LRRC4C: variants seen among roughly 807,000 people sequenced by gnomAD.
The protein encoded by LRRC4C is leucine rich repeat containing 4C.
In LRRC4C, 5 loss-of-function variants were observed where a neutral mutation model predicts 33.6. That is an observed-to-expected ratio of 0.15 (90% CI 0.08 to 0.31). The LOEUF (loss-of-function observed/expected upper bound fraction) is 0.31. Ranked by LOEUF, LRRC4C falls within the 10% of genes least tolerant of loss-of-function variation. The pLI is 1.00. For missense variants in LRRC4C, 560 were observed against 796.7 expected (o/e 0.70, Z 3.58); for synonymous variants, 329 against 302.0 (o/e 1.09, Z -0.93).
chr11:40,290,193 G>A (rs1170796266), intron 4 of LRRC4C, among the ~76,000 whole-genome samples: 1 of 152,118 alleles, frequency 6.6e-6, no homozygotes, highest in Non-Finnish European at 1.5e-5. Flanking sequence ...TTGTCATTGT[G>A]CTAAATTCCA....
chr11:40,625,139 T>A (rs759788683), intron 3 of LRRC4C, among the ~76,000 whole-genome samples: 1 of 152,178 alleles, frequency 6.6e-6, no homozygotes, highest in Non-Finnish European at 1.5e-5. Context: ...ACATGGCTAA[T>A]AATTGCCATA....
At chr11:40,715,951 G>T (rs892350122) in intron 2 of LRRC4C, among the ~76,000 whole-genome samples, 3 of 151,874 alleles carry the variant, frequency 2.0e-5, no homozygotes, top group African/African-American at 7.3e-5. Context: ...CTTGAACATG[G>T]GACAATTACA....
At chr11:40,565,175 CAGG>C (rs1388065085) in intron 3 of LRRC4C, among the ~76,000 whole-genome samples, 2 of 152,252 alleles carry the variant, frequency 1.3e-5, no homozygotes, top group Admixed American at 1.3e-4. Flanking sequence ...TGTTTCCTCT[CAGG>C]AGGAGAAGCC....
At chr11:41,458,935 A>G (rs1956252595) in intron 1 of LRRC4C, among the ~76,000 whole-genome samples, 1 of 151,796 alleles carries the variant, frequency 6.6e-6, no homozygotes, top group African/African-American at 2.4e-5. Context: ...TCTAGAGCAG[A>G]TATAACTATT....
chr11:41,299,245 TTAAAAGCAGAGAAA>T (rs1950221928), intron 1 of LRRC4C, among the ~76,000 whole-genome samples: 1 of 152,090 alleles, frequency 6.6e-6, no homozygotes, highest in Non-Finnish European at 1.5e-5. Flanking sequence ...TCAGAACCAC[TTAAAAGCAGAGAAA>T]TGAGTTATAG....
intron 3 of LRRC4C, among the ~76,000 whole-genome samples, chr11:40,355,366 T>G (rs990770838): frequency 3.3e-5 from 5 of 152,114 alleles, no homozygotes; most frequent in Admixed American, 2.0e-4. Context: ...GTCTGCTGGC[T>G]CTGAGCCTAC....
At chr11:40,201,207 T>C (rs1862725231) in intron 5 of LRRC4C, among the ~76,000 whole-genome samples, 1 of 152,176 alleles carries the variant, frequency 6.6e-6, no homozygotes, top group South Asian at 2.1e-4. Context: ...AAATTCACAC[T>C]TGGCAGTGGG....
At chr11:40,448,480 T>C (rs889081230) in intron 3 of LRRC4C, among the ~76,000 whole-genome samples, 7 of 152,072 alleles carry the variant, frequency 4.6e-5, no homozygotes, top group Non-Finnish European at 1.0e-4. Flanking sequence ...AACTCCCATG[T>C]ATGAGTGAGA....
intron 1 of LRRC4C, among the ~76,000 whole-genome samples, chr11:41,255,618 T>C (rs1453212007): frequency 3.3e-5 from 5 of 152,086 alleles, no homozygotes; most frequent in Non-Finnish European, 7.4e-5. Context: ...GAGGTGAAAT[T>C]GTAAAAGAGA....
intron 2 of LRRC4C, among the ~76,000 whole-genome samples, chr11:40,719,146 C>T (rs1159565231): frequency 2.0e-5 from 3 of 152,184 alleles, no homozygotes; most frequent in Non-Finnish European, 2.9e-5. Context: ...GTAATTCCTT[C>T]TTGCTGTCAA....
intron 1 of LRRC4C, among the ~76,000 whole-genome samples, chr11:41,080,524 T>G (rs2135480758): frequency 6.6e-6 from 1 of 152,050 alleles, no homozygotes; most frequent in African/African-American, 2.4e-5. Context: ...GCAAATTTTT[T>G]GTATTTTTAG....
intron 1 of LRRC4C, among the ~76,000 whole-genome samples, chr11:40,938,455 G>A (rs796649980): frequency 5.3e-5 from 8 of 152,054 alleles, no homozygotes; most frequent in Non-Finnish European, 1.2e-4. Context: ...TAACAATGAC[G>A]ATGGCAGTAA....
At chr11:40,725,887 T>G (rs1947270104) in intron 2 of LRRC4C, among the ~76,000 whole-genome samples, 1 of 152,120 alleles carries the variant, frequency 6.6e-6, no homozygotes, top group Non-Finnish European at 1.5e-5. Flanking sequence ...AAAACTTCTG[T>G]TTGGCCTCCT....
intron 5 of LRRC4C, among the ~76,000 whole-genome samples, chr11:40,147,284 T>C (rs1192901205): frequency 1.3e-5 from 2 of 152,152 alleles, no homozygotes; most frequent in Admixed American, 1.3e-4. Flanking sequence ...CTGTACCCTA[T>C]ACGACTTTGG....
At chr11:40,759,269 T>C (rs1949086128) in intron 2 of LRRC4C, among the ~76,000 whole-genome samples, 1 of 147,806 alleles carries the variant, frequency 6.8e-6, no homozygotes, top group African/African-American at 2.5e-5. Context: ...ATATATATAT[T>C]ATATATATAC....
chr11:40,234,749 C>A (rs1473056519), intron 5 of LRRC4C, among the ~76,000 whole-genome samples: 1 of 152,152 alleles, frequency 6.6e-6, no homozygotes, highest in Non-Finnish European at 1.5e-5. Context: ...CCAGCCTGGC[C>A]AACAGAGAGA....
rs190596812 is a variant in LRRC4C at position 41,064,429 on chromosome 11, A to T, written c.-495-130706T>A. On this transcript the variant is annotated intron_variant, in intron 1 of 6. Coordinates refer to ENST00000528697, the MANE Select transcript of LRRC4C (RefSeq NM_001258419.2). ...AGGAAATAATGACAGCATAAGAAAAATAGTGTTGGTTCATAAATGATTTTT... is the reference window on the plus strand; with the variant it reads ...AGGAAATAATGACAGCATAAGAAAATTAGTGTTGGTTCATAAATGATTTTT... 8.5e-5 allele frequency among the ~76,000 whole-genome samples: 13 copies of T among 152,326 alleles called. No homozygotes were observed. The East Asian group carries it at 2.5e-3, about 29-fold the overall frequency.
intron 1 of LRRC4C, among the ~76,000 whole-genome samples, chr11:41,014,484 T>C (rs1283443562): frequency 8.6e-6 from 1 of 116,598 alleles, no homozygotes; most frequent in Non-Finnish European, 1.9e-5. Flanking sequence ...TTTTTTCTAT[T>C]GCAGTTTTTT....
At chr11:41,108,551 C>T (rs997982651) in intron 1 of LRRC4C, among the ~76,000 whole-genome samples, 17 of 152,004 alleles carry the variant, frequency 1.1e-4, no homozygotes, top group African/African-American at 4.1e-4. Flanking sequence ...AAGAAAGGCC[C>T]AGATCGCAAA....
Sources: gnomAD v4.1 joint callset for allele counts (sites outside exome capture counted in the v4.1 genomes callset) on GRCh38, gnomAD v4.1.1 for gene constraint, MANE v1.5 for transcripts, NCBI Gene and HGNC (gene_info 2026-07-23, HGNC 2026-07-21) for gene names.